The following ADAMTSL1 variants were observed in gnomAD, a reference collection of about 807,000 sequenced individuals.
The protein encoded by ADAMTSL1 is ADAMTS-like protein 1.
A neutral mutation model predicts 201.8 loss-of-function variants in ADAMTSL1; 126 were observed. The observed-to-expected ratio is 0.62, with a 90% confidence interval of 0.54 to 0.72. The LOEUF is 0.72. Among genes scored for constraint, ADAMTSL1 ranks in the 30% least tolerant of loss-of-function variants. The probability of loss-of-function intolerance (pLI) is 0.00; values close to 1 mark genes in which losing one functional copy is unlikely to be tolerated. For synonymous variants in ADAMTSL1, 1,121 were observed against 903.4 expected (o/e 1.24, Z -4.32); for missense variants, 2,679 against 2,277.8 (o/e 1.18, Z -3.59).
At chr9:18,110,044 C>A (rs1382850905) in intron 1 of ADAMTSL1, among the ~76,000 whole-genome samples, 2 of 152,166 alleles carry the variant, frequency 1.3e-5, no homozygotes, top group Non-Finnish European at 2.9e-5. Context: ...CAAGCCTAGC[C>A]CCACAAGGCA....
intron 15 of ADAMTSL1, among the ~76,000 whole-genome samples, chr9:18,747,451 G>A (rs546083551): frequency 5.1e-4 from 77 of 152,038 alleles, no homozygotes; most frequent in African/African-American, 1.8e-3. Flanking sequence ...CCCCATTCTC[G>A]GTGCCTTTAT....
chr9:18,072,064 C>T (rs1422884458), intron 1 of ADAMTSL1, among the ~76,000 whole-genome samples: 4 of 152,194 alleles, frequency 2.6e-5, no homozygotes, highest in African/African-American at 2.4e-5. Context: ...CATTGCCATT[C>T]GTATGTCCAA....
intron 2 of ADAMTSL1, among the ~76,000 whole-genome samples, chr9:18,528,382 A>G (rs1407656500): frequency 1.3e-5 from 2 of 151,648 alleles, no homozygotes; most frequent in Non-Finnish European, 2.9e-5. Flanking sequence ...GTGTGTTGTT[A>G]CCCCCATGTA....
At chr9:18,057,825 T>G (rs555121686) in intron 1 of ADAMTSL1, among the ~76,000 whole-genome samples, 1 of 152,360 alleles carries the variant, frequency 6.6e-6, no homozygotes, top group South Asian at 2.1e-4. Context: ...TCTTTAGGAT[T>G]GAGTTTTAAT....
intron 1 of ADAMTSL1, among the ~76,000 whole-genome samples, chr9:18,131,288 A>G (rs1431391227): frequency 6.6e-6 from 1 of 152,168 alleles, no homozygotes; most frequent in Non-Finnish European, 1.5e-5. Context: ...ATTCTCTGAG[A>G]ACAAGACCCA....
rs1260142006 is a variant in ADAMTSL1 at position 18,888,052 on chromosome 9, C to T, written c.4462+9C>T. 2 of 1,609,242 alleles carry T rather than the reference C, an allele frequency of 1.2e-6. No homozygotes were observed. The highest frequency in any genetic ancestry group is 4.5e-5 in the East Asian group (2 of 44,788). On this transcript the variant is annotated intron_variant, in intron 24 of 28. Coordinates refer to ENST00000380548, the MANE Select transcript of ADAMTSL1 (RefSeq NM_001040272.6). ...ATCTTTAGTGATCCAAGGTAAGAAACCCTGCAGACTTTGCATACTGGACTT... is the reference window on the plus strand; with the variant it reads ...ATCTTTAGTGATCCAAGGTAAGAAATCCTGCAGACTTTGCATACTGGACTT...
chr9:18,867,392 G>A (rs1263203930), intron 23 of ADAMTSL1, among the ~76,000 whole-genome samples: 1 of 152,186 alleles, frequency 6.6e-6, no homozygotes, highest in Non-Finnish European at 1.5e-5. Context: ...GGCAAAGTAT[G>A]TAAAAGCAAT....
At chr9:18,685,127 T>C (rs547710598) in intron 13 of ADAMTSL1, among the ~76,000 whole-genome samples, 1 of 152,320 alleles carries the variant, frequency 6.6e-6, no homozygotes, top group South Asian at 2.1e-4. Flanking sequence ...AACATAGATT[T>C]GATGCCAAAG....
chr9:17,986,064 T>C (rs547738563), intron 1 of ADAMTSL1, among the ~76,000 whole-genome samples: 5 of 152,284 alleles, frequency 3.3e-5, no homozygotes, highest in Non-Finnish European at 7.4e-5. Flanking sequence ...TTGAGGTTTA[T>C]GTGGGAGCAA....
chr9:18,541,426 C>T (rs559419248), intron 3 of ADAMTSL1, among the ~76,000 whole-genome samples: 80 of 151,534 alleles, frequency 5.3e-4, no homozygotes, highest in Middle Eastern at 3.4e-3. Context: ...AGGAGAATCG[C>T]GTGAAACCAG....
chr9:18,074,561 C>CTTTTTTTTTTTTTTTTTTTTTTTTTTTT (rs138619215), intron 1 of ADAMTSL1, among the ~76,000 whole-genome samples: 3 of 131,346 alleles, frequency 2.3e-5, no homozygotes, highest in Non-Finnish European at 3.2e-5. Context: ...CTTCTCTTTT[C>CTTTTTTTTTTTTTTTTTTTTTTTTTTTT]TTTTTTTTTT....
chr9:18,638,504 C>A (rs1827241829), intron 6 of ADAMTSL1, among the ~76,000 whole-genome samples: 1 of 152,066 alleles, frequency 6.6e-6, no homozygotes, highest in Non-Finnish European at 1.5e-5. Flanking sequence ...CTGAATCACA[C>A]AACATAATTA....
At chr9:18,844,039 A>C (rs1825917439) in intron 23 of ADAMTSL1, among the ~76,000 whole-genome samples, 1 of 152,336 alleles carries the variant, frequency 6.6e-6, no homozygotes, top group East Asian at 1.9e-4. Flanking sequence ...TCAACTTGTC[A>C]AAGTCATTCT....
chr9:18,139,607 C>T (rs1002499424), intron 1 of ADAMTSL1, among the ~76,000 whole-genome samples: 1 of 152,102 alleles, frequency 6.6e-6, no homozygotes, highest in Non-Finnish European at 1.5e-5. Context: ...TCCAAGAAAT[C>T]ATGAATTAAT....
chr9:18,556,173 C>A (rs936441894), intron 3 of ADAMTSL1, among the ~76,000 whole-genome samples: 2 of 151,848 alleles, frequency 1.3e-5, no homozygotes, highest in African/African-American at 4.8e-5. Context: ...TTGCCTCTGT[C>A]CAGAAGTAAT....
chr9:18,268,521 C>A (rs922969090), intron 2 of ADAMTSL1, among the ~76,000 whole-genome samples: 4 of 152,138 alleles, frequency 2.6e-5, no homozygotes, highest in Non-Finnish European at 5.9e-5. Flanking sequence ...AACTATGACA[C>A]ATGTGTGAAG....
intron 7 of ADAMTSL1, among the ~76,000 whole-genome samples, chr9:18,640,271 G>C (rs1282314608): frequency 6.6e-6 from 1 of 152,150 alleles, no homozygotes; most frequent in Non-Finnish European, 1.5e-5. Flanking sequence ...CCAGCCACAT[G>C]AACGTGAGCA....
At chr9:18,639,147 A>T in intron 6 of ADAMTSL1, 107 bp from the exon 7 acceptor site, 1 of 1,066,076 alleles carries the variant, frequency 9.4e-7, no homozygotes. Flanking sequence ...TATATAAAGA[A>T]TGATGTGTCT....
At chr9:18,556,984 GT>G (rs1821145261) in intron 3 of ADAMTSL1, among the ~76,000 whole-genome samples, 1 of 151,926 alleles carries the variant, frequency 6.6e-6, no homozygotes, top group Non-Finnish European at 1.5e-5. Context: ...ATGAACTTGG[GT>G]ATCTGTAGGA....
Sources: allele counts gnomAD v4.1 joint callset (sites outside exome capture counted in the v4.1 genomes callset), GRCh38; gene constraint gnomAD v4.1.1; transcripts MANE v1.5; gene names NCBI Gene and HGNC (gene_info 2026-07-23, HGNC 2026-07-21).